The following FNDC7 variants were observed in gnomAD, a reference collection of about 807,000 sequenced individuals.
FNDC7 encodes fibronectin type III domain containing 7.
Under a neutral mutation model 74.2 loss-of-function variants are expected in FNDC7, and 66 were observed. The ratio of observed to expected loss-of-function variants is 0.89; its 90% CI spans 0.73 to 1.09. The LOEUF (loss-of-function observed/expected upper bound fraction) is 1.09, where lower values mean the gene tolerates loss of function less well. Ranked by LOEUF, FNDC7 falls within the 50% of genes least tolerant of loss-of-function variation. The pLI is 0.00. For missense variants in FNDC7, 829 were observed against 893.4 expected (o/e 0.93, Z 0.92); for synonymous variants, 307 against 330.2 (o/e 0.93, Z 0.76).
chr1:108,719,081 T>C, intron 4 of FNDC7, 32 bp downstream of exon 4: 1 of 1,549,014 alleles, frequency 6.5e-7, no homozygotes, highest in Non-Finnish European at 8.7e-7. Context: ...CTCGAACAAT[T>C]CTACTTTTGA....
chr1:108,730,586 A>C, intron 8 of FNDC7, 88 bp from the exon 9 acceptor site: 1 of 1,434,558 alleles, frequency 7.0e-7, no homozygotes, highest in South Asian at 1.4e-5. Flanking sequence ...TGAGTGAAAC[A>C]CAGGCAAAAT....
At chr1:108,726,851 T>C (rs554912683) in intron 6 of FNDC7, among the ~76,000 whole-genome samples, 3 of 152,310 alleles carry the variant, frequency 2.0e-5, no homozygotes, top group South Asian at 4.1e-4. Flanking sequence ...AAATCATTGG[T>C]GCCTTTGGAA....
At chr1:108,736,006 C>T (rs887478865) in intron 10 of FNDC7, among the ~76,000 whole-genome samples, 1 of 152,008 alleles carries the variant, frequency 6.6e-6, no homozygotes, top group African/African-American at 2.4e-5. Flanking sequence ...CAAGGTCTTG[C>T]TTTGTTGCCC....
At chr1:108,731,028 C>A in intron 9 of FNDC7, 100 bp downstream of exon 9, 1 of 1,311,802 alleles carries the variant, frequency 7.6e-7, no homozygotes, top group Non-Finnish European at 1.0e-6. Context: ...GCATCTCCAC[C>A]TAGTTTGCAT....
chr1:108,718,545 TCTGA>T (rs1359119827), intron 3 of FNDC7, among the ~76,000 whole-genome samples: 1 of 152,252 alleles, frequency 6.6e-6, no homozygotes, highest in Non-Finnish European at 1.5e-5. Flanking sequence ...TTATCTAATT[TCTGA>T]CTAACTTCAG....
At chr1:108,733,655 T>C in intron 10 of FNDC7, 123 bp downstream of exon 10, 1 of 977,962 alleles carries the variant, frequency 1.0e-6, no homozygotes, top group Non-Finnish European at 1.4e-6. Flanking sequence ...CTTTCTTTTT[T>C]TTTTTTTTTT....
intron 10 of FNDC7, 42 bp from the exon 11 acceptor site, chr1:108,737,453 A>C: frequency 6.6e-7 from 1 of 1,511,620 alleles, no homozygotes; most frequent in Non-Finnish European, 9.0e-7. Flanking sequence ...TAAATACATA[A>C]ATGAATAGAT....
Position 108,727,885 on chromosome 1 carries a change from G to A in FNDC7, c.1189G>A (p.Gly397Ser), listed in dbSNP as rs770766350. ...RVEIVWSPVR[G>S]AELYETKAVD... ...TGAGATTGTCTGGTCTCCTGTCCGTGGTGCCGAACTGTATGAAACCAAGGC... is the reference window on the plus strand; with the variant it reads ...TGAGATTGTCTGGTCTCCTGTCCGTAGTGCCGAACTGTATGAAACCAAGGC... Residue 397 changes from glycine to serine, a missense_variant, in exon 7 of 13, where the codon GGT (glycine) becomes AGT (serine). By Grantham distance (56) the Gly-to-Ser change is moderately conservative. Coordinates refer to ENST00000370017, the MANE Select transcript of FNDC7 (RefSeq NM_001144937.3). 11 of 1,614,040 alleles carry A rather than the reference G, an allele frequency of 6.8e-6. No homozygotes were observed. In the East Asian group the frequency reaches 2.2e-4, roughly 33 times the overall value.
At chr1:108,715,671 G>GCACA (rs957758663) in intron 2 of FNDC7, among the ~76,000 whole-genome samples, 164 of 150,682 alleles carry the variant, frequency 1.1e-3, no homozygotes, top group African/African-American at 3.5e-3. Context: ...GTGCGCGCGC[G>GCACA]CACACACACA....
intron 6 of FNDC7, among the ~76,000 whole-genome samples, chr1:108,726,831 T>C (rs1393230388): frequency 1.3e-5 from 2 of 152,208 alleles, no homozygotes; most frequent in Non-Finnish European, 2.9e-5. Flanking sequence ...TTTGACAGGA[T>C]GAGGGATCTA....
At chr1:108,730,996 C>A in intron 9 of FNDC7, 68 bp downstream of exon 9, 1 of 1,452,472 alleles carries the variant, frequency 6.9e-7, no homozygotes, top group Non-Finnish European at 9.2e-7. Flanking sequence ...ATGAGCCTTT[C>A]CTCCTCATTT....
intron 6 of FNDC7, among the ~76,000 whole-genome samples, chr1:108,727,288 G>T (rs1661240348): frequency 6.6e-6 from 1 of 152,096 alleles, no homozygotes; most frequent in African/African-American, 2.4e-5. Context: ...TCACACCACT[G>T]CACTCCAGCC....
At chr1:108,729,570 C>T (rs1661298953) in intron 8 of FNDC7, among the ~76,000 whole-genome samples, 1 of 151,808 alleles carries the variant, frequency 6.6e-6, no homozygotes, top group Non-Finnish European at 1.5e-5. Flanking sequence ...AAAATGCTTT[C>T]TGACTTTCAA....
intron 11 of FNDC7, among the ~76,000 whole-genome samples, chr1:108,740,240 G>A (rs934250213): frequency 1.3e-5 from 2 of 151,934 alleles, no homozygotes; most frequent in African/African-American, 4.8e-5. Context: ...TATGCTGAGG[G>A]GAGCCATGGG....
At chr1:108,724,614 C>T (rs750041870) in intron 5 of FNDC7, among the ~76,000 whole-genome samples, 28 of 151,698 alleles carry the variant, frequency 1.8e-4, no homozygotes, top group Non-Finnish European at 2.9e-5. Flanking sequence ...ATTAGCTGCT[C>T]ATGGTGGCAT....
chr1:108,713,454 G>T, intron 1 of FNDC7, 57 bp from the exon 2 acceptor site: 1 of 1,454,046 alleles, frequency 6.9e-7, no homozygotes, highest in Middle Eastern at 1.8e-4. Flanking sequence ...CATGTTTTAC[G>T]TTTGTTCAAG....
chr1:108,733,625 GC>G, intron 10 of FNDC7, 93 bp downstream of exon 10: 1 of 1,237,590 alleles, frequency 8.1e-7, no homozygotes, highest in Non-Finnish European at 1.1e-6. Context: ...TGTATGAAGG[GC>G]ACAGAGGGTA....
chr1:108,730,725 T>C lies in FNDC7; in HGVS notation c.1676T>C (p.Ile559Thr), dbSNP rs369688778. 6.2e-7 allele frequency: 1 copy of C among 1,609,056 alleles called. No homozygotes were observed. Among genetic ancestry groups the C allele is most frequent in the African/African-American group, 1.3e-5 (1 of 74,890 alleles). The change falls in exon 9 of 13, where the codon ATC (isoleucine) becomes ACC (threonine). Residue 559 changes from isoleucine (I) to threonine (T), a missense_variant. Transcript: ENST00000370017. Reference sequence around the variant, plus strand: ...GTAACTCAAATCACCCAGTCAGTAATCAACGTGAGCTGGACTATTGGGAGA... The same window carrying C: ...GTAACTCAAATCACCCAGTCAGTAACCAACGTGAGCTGGACTATTGGGAGA... ...LTVTQITQSVINVSWTIGRVA... is the reference protein window; with the variant it reads ...LTVTQITQSVTNVSWTIGRVA...
chr1:108,714,327 T>C (rs1352488881), intron 2 of FNDC7, among the ~76,000 whole-genome samples: 1 of 152,214 alleles, frequency 6.6e-6, no homozygotes, highest in African/African-American at 2.4e-5. Flanking sequence ...TACAGATACA[T>C]GTCTGAGCCA....
Sources: gnomAD v4.1 joint callset for allele counts (sites outside exome capture counted in the v4.1 genomes callset) on GRCh38, gnomAD v4.1.1 for gene constraint, MANE v1.5 for transcripts, NCBI Gene and HGNC (gene_info 2026-07-23, HGNC 2026-07-21) for gene names.